SYN1: variants seen among roughly 807,000 people sequenced by gnomAD.
SYN1 encodes the protein synapsin-1.
A neutral mutation model predicts 44.6 loss-of-function variants in SYN1; 8 were observed. The observed-to-expected ratio is 0.18, with a 90% confidence interval of 0.11 to 0.32. The LOEUF (loss-of-function observed/expected upper bound fraction) is 0.32, where lower values mean the gene tolerates loss of function less well. SYN1 is among the 10% of genes least tolerant of loss of function. The pLI is 1.00. For missense variants in SYN1, 451 were observed against 639.4 expected (o/e 0.71, Z 3.18); for synonymous variants, 275 against 280.1 (o/e 0.98, Z 0.18).
chrX:47,604,532 T>C (rs1463487708), intron 5 of SYN1, among the ~76,000 whole-genome samples: 1 of 112,035 alleles, frequency 8.9e-6, no homozygotes, highest in Non-Finnish European at 1.9e-5. Context: ...ATTACAGGCA[T>C]GAGCCACCGT....
Position 47,604,652 on chromosome X carries a change from A to G in SYN1, c.774+326T>C, listed in dbSNP as rs746152109. On this transcript the variant is annotated intron_variant, in intron 5 of 12. Coordinates refer to ENST00000295987, the MANE Select transcript of SYN1 (RefSeq NM_006950.3). ...AGAAGGAATATTTGATAATGTTAGT[A>G]ATAATGACTTAATTTCTATATGTAA... 16 of 253,959 alleles carry G rather than the reference A, an allele frequency of 6.3e-5. No homozygotes were observed. The East Asian group carries it at 1.1e-3, about 17-fold the overall frequency. The allele number at this position is 253,959 out of a possible 1,213,427, so 20.9% of individuals were successfully genotyped here. A position where few individuals can be genotyped will look rare whatever the true frequency, so the allele number is the denominator to read the frequency against.
At chrX:47,578,647 G>A (rs2057785480) in intron 5 of SYN1, among the ~76,000 whole-genome samples, 1 of 111,663 alleles carries the variant, frequency 9.0e-6, no homozygotes. Flanking sequence ...GCTCCTGGAT[G>A]GGGTAGAGGA....
At chrX:47,583,155 C>G (rs2057806836) in intron 5 of SYN1, among the ~76,000 whole-genome samples, 2 of 100,577 alleles carry the variant, frequency 2.0e-5, no homozygotes, top group Admixed American at 2.2e-4. Context: ...CCTTCTCCCC[C>G]AAGTGCCACA....
chrX:47,600,547 A>G (rs1274358968), intron 5 of SYN1, among the ~76,000 whole-genome samples: 1 of 111,848 alleles, frequency 8.9e-6, no homozygotes, highest in Non-Finnish European at 1.9e-5. Context: ...CCTCATAAAC[A>G]TCTATAGAAC....
rs759475454 is a variant in SYN1, at chrX:47,574,536, T to G, written c.1448A>C (p.Gln483Pro). 3 of 1,080,562 alleles carry G rather than the reference T, an allele frequency of 2.8e-6. No individual in the cohort carries two copies. The highest frequency in any genetic ancestry group is 3.6e-6 in the Non-Finnish European group (3 of 836,009). 89.1% of individuals were successfully genotyped at this position (1,080,562 alleles called of 1,213,427 possible). A position where few individuals can be genotyped will look rare whatever the true frequency, so the allele number is the denominator to read the frequency against. Reference sequence around the variant, plus strand: ...CTGCTGGCCCTGCGGGGGCGGGCGCTGCTGCAATGGGGGTCCCTGGCGCTG... The same window carrying G: ...CTGCTGGCCCTGCGGGGGCGGGCGCGGCTGCAATGGGGGTCCCTGGCGCTG... ...GPQRQGPPLQ[Q>P]RPPPQGQQHL... Residue 483 changes from glutamine (Q) to proline (P), a missense_variant, in exon 12 of 13, where the codon CAG (glutamine) becomes CCG (proline). Gln to Pro is a moderately conservative substitution (Grantham distance 76). Transcript: ENST00000295987.
At chrX:47,604,161 G>A (rs145640141) in intron 5 of SYN1, among the ~76,000 whole-genome samples, 6,568 of 110,479 alleles carry the variant, frequency 0.059, 521 homozygotes, top group African/African-American at 0.21. Context: ...CGCCCACTTC[G>A]GCCTCCCGAA....
rs772050153 is a variant in SYN1 at position 47,584,244 on chromosome X, T to C, written c.775-6743A>G. On this transcript the variant is annotated intron_variant, in intron 5 of 12. Coordinates refer to ENST00000295987, the MANE Select transcript of SYN1 (RefSeq NM_006950.3). ...ATCAGAGATTGAGGATGATCAGAGA[T>C]TGAGGATGATCAGGTATTGAGGATG... Among the ~76,000 whole-genome samples the C allele has an allele frequency of 1.6e-4, 17 of 109,306 alleles. No individual in the cohort carries two copies. In the East Asian group the frequency reaches 4.6e-3, roughly 30 times the overall value. 94.9% of individuals were successfully genotyped at this position (109,306 alleles called of 115,157 possible).
At chrX:47,601,101 T>C (rs1569329470) in intron 5 of SYN1, among the ~76,000 whole-genome samples, 1 of 111,488 alleles carries the variant, frequency 9.0e-6, no homozygotes, top group South Asian at 3.8e-4. Context: ...ATTTGGTTCT[T>C]TGAAAAGATC....
chrX:47,609,005 G>GACACACACACACACACACAC (rs757667668), intron 1 of SYN1, among the ~76,000 whole-genome samples: 6 of 87,412 alleles, frequency 6.9e-5, no homozygotes, highest in Non-Finnish European at 1.1e-4. Context: ...CTCTCTCTCT[G>GACACACACACACACACACAC]ACACACACAC....
intron 10 of SYN1, 92 bp from the exon 11 acceptor site, chrX:47,574,867 G>A (rs1428699713): frequency 7.6e-6 from 7 of 919,691 alleles, no homozygotes; most frequent in Non-Finnish European, 1.1e-5. Context: ...TGTGCGCTGG[G>A]TGTTGCCCCA....
At chrX:47,581,776 C>T (rs940288223) in intron 5 of SYN1, among the ~76,000 whole-genome samples, 6 of 111,607 alleles carry the variant, frequency 5.4e-5, no homozygotes, top group African/African-American at 9.8e-5. Context: ...GTATAAATGC[C>T]GGCTATTTGC....
intron 5 of SYN1, chrX:47,585,514 G>A (rs1314139228): frequency 1.3e-5 from 16 of 1,197,209 alleles, no homozygotes; most frequent in Non-Finnish European, 1.8e-5. Context: ...CAAGCTGCTT[G>A]TCGGTCCCCG....
At chrX:47,588,401 G>A (rs897916843) in intron 5 of SYN1, among the ~76,000 whole-genome samples, 1 of 112,731 alleles carries the variant, frequency 8.9e-6, no homozygotes, top group African/African-American at 3.2e-5. Context: ...CTGGCCTCAG[G>A]GCCCATTTCC....
chrX:47,603,787 C>T (rs2057886813), intron 5 of SYN1, among the ~76,000 whole-genome samples: 1 of 109,292 alleles, frequency 9.1e-6, no homozygotes, highest in African/African-American at 3.3e-5. Context: ...AATGATTATT[C>T]AATTTCTACT....
chrX:47,576,568 C>T lies in SYN1; in HGVS notation c.910G>A (p.Ala304Thr), dbSNP rs367911105. The T allele has an allele frequency of 6.6e-6, 8 of 1,210,116 alleles. No homozygotes were observed. The highest frequency in any genetic ancestry group is 8.9e-6 in the Non-Finnish European group (8 of 895,323). Reference sequence around the variant, plus strand: ...TATTTGGCATCGATGAAGGGCTCGGCAGTGGCATACGTCTTGGTCAGTGCC... The same window carrying T: ...TATTTGGCATCGATGAAGGGCTCGGTAGTGGCATACGTCTTGGTCAGTGCC... ...VVALTKTYAT[A>T]EPFIDAKYDV... Residue 304 changes from alanine to threonine, a missense_variant, in exon 7 of 13, where the codon GCC (alanine) becomes ACC (threonine). Around this residue, in one of 3 missense-constraint regions of SYN1, gnomAD observed 315 missense variants for 451.4 expected, o/e 0.70. Coordinates refer to ENST00000295987, the MANE Select transcript of SYN1 (RefSeq NM_006950.3).
intron 1 of SYN1, among the ~76,000 whole-genome samples, chrX:47,615,148 A>G (rs1450181507): frequency 8.9e-6 from 1 of 112,237 alleles, no homozygotes; most frequent in African/African-American, 3.2e-5. Context: ...TATGTATTAT[A>G]TAAGACACAT....
At position 47,580,932 on chromosome X, in the gene SYN1, CA is replaced by C. The variant is rs34026683; in HGVS notation, c.775-3432del. On this transcript the variant is annotated intron_variant, in intron 5 of 12. Coordinates refer to ENST00000295987, the MANE Select transcript of SYN1 (RefSeq NM_006950.3). Reference sequence around the variant, plus strand: ...CTAGGTGACAGAGCAAGACTCTTGTCAAAAAAAAAAAATAGATTTAGAGGGT... The same window carrying C: ...CTAGGTGACAGAGCAAGACTCTTGTCAAAAAAAAAAATAGATTTAGAGGGT... 5.6e-3 allele frequency among the ~76,000 whole-genome samples: 537 copies of C among 95,622 alleles called. 5 individuals carry two copies. The highest frequency in any genetic ancestry group is 0.018 in the African/African-American group (465 of 25,300). 83.0% of individuals were successfully genotyped at this position (95,622 alleles called of 115,157 possible).
At chrX:47,584,157 T>G (rs2057812179) in intron 5 of SYN1, among the ~76,000 whole-genome samples, 1 of 111,167 alleles carries the variant, frequency 9.0e-6, no homozygotes, top group Non-Finnish European at 1.9e-5. Flanking sequence ...AGACATCACC[T>G]GGGGGATGGT....
At chrX:47,587,070 C>G (rs1218684016) in intron 5 of SYN1, among the ~76,000 whole-genome samples, 1 of 112,789 alleles carries the variant, frequency 8.9e-6, no homozygotes, top group Non-Finnish European at 1.9e-5. Context: ...TTGCTATTTG[C>G]CCAGGGCTTT....
Sources: allele counts gnomAD v4.1 joint callset (sites outside exome capture counted in the v4.1 genomes callset), GRCh38; gene constraint gnomAD v4.1.1; regional missense constraint gnomAD v4.1.1; transcripts MANE v1.5; gene names NCBI Gene and HGNC (gene_info 2026-07-23, HGNC 2026-07-21).